The following MLLT10 variants were observed in gnomAD, a reference collection of about 807,000 sequenced individuals.
The protein encoded by MLLT10 is protein AF-10.
A neutral mutation model predicts 129.1 loss-of-function variants in MLLT10; 30 were observed. That is an observed-to-expected ratio of 0.23 (90% CI 0.17 to 0.32). The LOEUF is 0.32. Among genes scored for constraint, MLLT10 ranks in the 10% least tolerant of loss-of-function variants. The probability of loss-of-function intolerance (pLI) is 1.00; values close to 1 mark genes in which losing one functional copy is unlikely to be tolerated. For missense variants in MLLT10, 1,119 were observed against 1,268.3 expected (o/e 0.88, Z 1.79); for synonymous variants, 490 against 446.4 (o/e 1.10, Z -1.23).
intron 5 of MLLT10, among the ~76,000 whole-genome samples, chr10:21,595,990 G>T (rs1379846594): frequency 6.6e-6 from 1 of 151,574 alleles, no homozygotes; most frequent in Admixed American, 6.6e-5. Context: ...TGCATTTTAG[G>T]TTTTACCATT....
At chr10:21,616,200 G>T (rs942867037) in intron 7 of MLLT10, among the ~76,000 whole-genome samples, 1 of 151,798 alleles carries the variant, frequency 6.6e-6, no homozygotes, top group Non-Finnish European at 1.5e-5. Context: ...TTCTTCCTAG[G>T]TGTAATAAGC....
At chr10:21,583,832 AT>A (rs1005754737) in intron 3 of MLLT10, among the ~76,000 whole-genome samples, 1 of 151,936 alleles carries the variant, frequency 6.6e-6, no homozygotes, top group Non-Finnish European at 1.5e-5. Context: ...TTTACATGAG[AT>A]TTGGAGGCAC....
intron 9 of MLLT10, chr10:21,668,887 T>C: frequency 8.6e-7 from 1 of 1,161,298 alleles, no homozygotes; most frequent in Non-Finnish European, 1.1e-6. Flanking sequence ...CACCACTGTG[T>C]TTTCTTAGAT....
At chr10:21,654,899 A>G (rs1241219671) in intron 9 of MLLT10, among the ~76,000 whole-genome samples, 1 of 152,142 alleles carries the variant, frequency 6.6e-6, no homozygotes, top group Non-Finnish European at 1.5e-5. Flanking sequence ...AAGGCTGCGC[A>G]TGGTGGCTCA....
intron 4 of MLLT10, among the ~76,000 whole-genome samples, chr10:21,593,708 C>G (rs2042726163): frequency 6.6e-6 from 1 of 151,772 alleles, no homozygotes; most frequent in Non-Finnish European, 1.5e-5. Context: ...TGGTGGATCA[C>G]TTGAGGTCAG....
chr10:21,719,234 G>A (rs2056965139), intron 14 of MLLT10, among the ~76,000 whole-genome samples: 1 of 152,066 alleles, frequency 6.6e-6, no homozygotes, highest in African/African-American at 2.4e-5. Flanking sequence ...AAATGGTTTC[G>A]TTTCTCAGGC....
intron 8 of MLLT10, among the ~76,000 whole-genome samples, chr10:21,651,037 GTGT>G (rs2048971022): frequency 1.7e-5 from 2 of 118,432 alleles, no homozygotes; most frequent in African/African-American, 6.0e-5. Flanking sequence ...TTTGGTGGTT[GTGT>G]TGTTTTGTTT....
intron 3 of MLLT10, among the ~76,000 whole-genome samples, chr10:21,558,405 A>G (rs1274676862): frequency 6.6e-6 from 1 of 152,098 alleles, no homozygotes; most frequent in Non-Finnish European, 1.5e-5. Context: ...AGCTATGATC[A>G]TGATCCTGCC....
intron 3 of MLLT10, among the ~76,000 whole-genome samples, chr10:21,555,411 C>A (rs1409927031): frequency 6.6e-6 from 1 of 151,308 alleles, no homozygotes; most frequent in Non-Finnish European, 1.5e-5. Context: ...TTAGTAGAGA[C>A]TGGGTTTTGC....
Position 21,724,304 on chromosome 10 carries a change from G to A in MLLT10, c.1879-1940G>A, listed in dbSNP as rs78555036. The stretch of plus-strand genomic sequence containing the variant: ...GAAACTGTTTCCGTGAACCATAAAC[G>A]CACATTTTCATGCTTTGTAAGTGGG... On this transcript the variant is annotated intron_variant, in intron 14 of 22. Coordinates refer to ENST00000307729, the MANE Select transcript of MLLT10 (RefSeq NM_001195626.3). Among the ~76,000 whole-genome samples, 585 of 152,300 alleles carry A rather than the reference G, an allele frequency of 3.8e-3. 5 individuals carry two copies. The highest frequency in any genetic ancestry group is 0.013 in the African/African-American group (547 of 41,566).
At chr10:21,619,461 A>T (rs2045592739) in intron 8 of MLLT10, among the ~76,000 whole-genome samples, 1 of 152,198 alleles carries the variant, frequency 6.6e-6, no homozygotes, top group African/African-American at 2.4e-5. Flanking sequence ...TGTTGAATGA[A>T]TATAGTGCTG....
intron 3 of MLLT10, among the ~76,000 whole-genome samples, chr10:21,585,019 T>C (rs1489993497): frequency 6.6e-6 from 1 of 151,780 alleles, no homozygotes; most frequent in Admixed American, 6.6e-5. Flanking sequence ...CTGGGCTCAA[T>C]TGATCTGCCC....
intron 14 of MLLT10, among the ~76,000 whole-genome samples, chr10:21,723,164 T>C (rs1298058369): frequency 1.3e-5 from 2 of 152,190 alleles, no homozygotes; most frequent in Admixed American, 1.3e-4. Flanking sequence ...AGATACTTTA[T>C]CTTTTTTTGA....
intron 5 of MLLT10, among the ~76,000 whole-genome samples, chr10:21,602,263 G>C (rs1589171624): frequency 6.6e-6 from 1 of 152,294 alleles, no homozygotes; most frequent in East Asian, 1.9e-4. Flanking sequence ...GCTGCTGCTG[G>C]TGGTTTATCC....
intron 13 of MLLT10, among the ~76,000 whole-genome samples, chr10:21,687,016 T>G (rs1315954088): frequency 6.6e-6 from 1 of 152,114 alleles, no homozygotes; most frequent in East Asian, 1.9e-4. Context: ...ACCAAAGAGC[T>G]TACTTAGATC....
chr10:21,638,263 GA>G lies in MLLT10; in HGVS notation c.700-13409del, dbSNP rs374862334. 6.1e-3 allele frequency among the ~76,000 whole-genome samples: 650 copies of G among 106,016 alleles called. 4 individuals carry two copies. Among genetic ancestry groups the G allele is most frequent in the African/African-American group, 0.022 (595 of 26,908 alleles). The allele number at this position is 106,016 out of a possible 152,430, so 69.6% of individuals were successfully genotyped here. On this transcript the variant is annotated intron_variant, in intron 8 of 22. Coordinates refer to ENST00000307729, the MANE Select transcript of MLLT10 (RefSeq NM_001195626.3). ...CATATATTCTTCTTTTTGGTGGGGG[GA>G]GGGGGGCGGGGGCACTAAGGAATAT...
At chr10:21,557,557 G>A (rs1323841045) in intron 3 of MLLT10, 1 of 152,474 alleles carries the variant, frequency 6.6e-6, no homozygotes, top group East Asian at 1.9e-4. Flanking sequence ...CCTTCCGTGG[G>A]GTTTAGGACT....
At position 21,742,076 on chromosome 10, in the gene MLLT10, G is replaced by C. The variant is rs956530651; in HGVS notation, c.*93G>C. On this transcript the variant is annotated 3_prime_UTR_variant, in exon 23 of 23. Transcript: ENST00000307729. ...CCTTTTACTACAGCTATGAAGAAACGCAACAAGAAACTCAATGCACAACAA... is the reference window on the plus strand; with the variant it reads ...CCTTTTACTACAGCTATGAAGAAACCCAACAAGAAACTCAATGCACAACAA... The C allele has an allele frequency of 4.4e-6, 5 of 1,143,760 alleles. No individual in the cohort carries two copies. Among genetic ancestry groups the C allele is most frequent in the South Asian group, 1.3e-5 (1 of 74,192 alleles). The allele number at this position is 1,143,760 out of a possible 1,614,324, so 70.9% of individuals were successfully genotyped here.
At chr10:21,564,229 G>C (rs765624732) in intron 3 of MLLT10, among the ~76,000 whole-genome samples, 11 of 152,138 alleles carry the variant, frequency 7.2e-5, no homozygotes, top group Admixed American at 3.9e-4. Flanking sequence ...GACTATGGGT[G>C]TATGCCACTA....
Sources: gnomAD v4.1 joint callset for allele counts (sites outside exome capture counted in the v4.1 genomes callset) on GRCh38, gnomAD v4.1.1 for gene constraint, MANE v1.5 for transcripts, NCBI Gene and HGNC (gene_info 2026-07-23, HGNC 2026-07-21) for gene names.